The following GRB14 variants were observed in gnomAD, a reference collection of about 807,000 sequenced individuals.
The protein encoded by GRB14 is growth factor receptor bound protein 14.
Under a neutral mutation model 69.1 loss-of-function variants are expected in GRB14, and 38 were observed. The observed-to-expected ratio is 0.55, with a 90% CI of 0.42 to 0.72. The LOEUF (loss-of-function observed/expected upper bound fraction) is 0.72. Among genes scored for constraint, GRB14 ranks in the 30% least tolerant of loss-of-function variants. The pLI is 0.00. For synonymous variants in GRB14, 247 were observed against 241.3 expected (o/e 1.02, Z -0.22); for missense variants, 666 against 666.1 (o/e 1.00, Z 0.00).
At chr2:164,542,026 C>T (rs1688252470) in intron 3 of GRB14, among the ~76,000 whole-genome samples, 1 of 152,096 alleles carries the variant, frequency 6.6e-6, no homozygotes, top group Non-Finnish European at 1.5e-5. Context: ...CACTTCAAAC[C>T]ATATTATAAT....
chr2:164,548,988 C>T (rs1218473745), intron 2 of GRB14, among the ~76,000 whole-genome samples: 1 of 152,168 alleles, frequency 6.6e-6, no homozygotes, highest in African/African-American at 2.4e-5. Context: ...AATGATTCTC[C>T]TCTCTCAGCC....
chr2:164,576,749 T>A (rs1270541331), intron 2 of GRB14, among the ~76,000 whole-genome samples: 1 of 151,004 alleles, frequency 6.6e-6, no homozygotes, highest in Admixed American at 6.6e-5. Context: ...CCCAAAATTT[T>A]AAAAAAATTA....
intron 2 of GRB14, among the ~76,000 whole-genome samples, chr2:164,581,288 G>A (rs1689398289): frequency 6.6e-6 from 1 of 152,090 alleles, no homozygotes; most frequent in African/African-American, 2.4e-5. Context: ...ATCTTACATT[G>A]TAAAAGGGAT....
chr2:164,514,134 A>C (rs1386716190), intron 6 of GRB14, among the ~76,000 whole-genome samples: 1 of 152,226 alleles, frequency 6.6e-6, no homozygotes, highest in Non-Finnish European at 1.5e-5. Flanking sequence ...TCCTCTAGGA[A>C]TTTACAATGT....
In GRB14 at chr2:164,621,141, T is replaced by C; in HGVS notation, c.169A>G (p.Thr57Ala). ...TACCTGTCTGCAGCACAGCCGCGGG[T>C]CCCGTCCGGAAGGGGCAGGAGCGCT... ...ARALLPLPDG[T>A]RGCAADRRKK... Residue 57 changes from threonine to alanine, a missense_variant, in exon 1 of 14, where the codon ACC (threonine) becomes GCC (alanine). By Grantham distance (58) the Thr-to-Ala change is moderately conservative (BLOSUM62 0). Transcript: ENST00000263915. The surrounding 1 kb of genome is among the most constrained non-coding windows in gnomAD (Gnocchi z 6.0). The C allele has an allele frequency of 8.0e-7, 1 of 1,245,934 alleles. No individual in the cohort carries two copies. The highest frequency in any genetic ancestry group is 4.1e-5 in the South Asian group (1 of 24,428). 77.2% of individuals were successfully genotyped at this position (1,245,934 alleles called of 1,614,324 possible).
rs904444743 is a variant in GRB14 at position 164,568,595 on chromosome 2, C to T, written c.325-20779G>A. ...CAACCAATCAAAGCCCGGAAAACCCCGCCTTTGTCCTTGGAAACACATTCT... is the reference window on the plus strand; with the variant it reads ...CAACCAATCAAAGCCCGGAAAACCCTGCCTTTGTCCTTGGAAACACATTCT... On this transcript the variant is annotated intron_variant, in intron 2 of 13. Coordinates refer to ENST00000263915, the MANE Select transcript of GRB14 (RefSeq NM_004490.3). 12 of 338,598 alleles carry T rather than the reference C, an allele frequency of 3.5e-5. No homozygotes were observed. The South Asian group carries it at 7.3e-4, about 21-fold the overall frequency. The allele number at this position is 338,598 out of a possible 1,614,324, so 21.0% of individuals were successfully genotyped here.
intron 3 of GRB14, among the ~76,000 whole-genome samples, chr2:164,540,226 T>G (rs887015429): frequency 2.6e-5 from 4 of 152,178 alleles, no homozygotes; most frequent in African/African-American, 9.7e-5. Context: ...AGAACAATCT[T>G]CCACTTAATT....
In GRB14 at chr2:164,614,098, G is replaced by C. The variant is rs532897388; in HGVS notation, c.324+5589C>G. On this transcript the variant is annotated intron_variant, in intron 2 of 13. Transcript: ENST00000263915. ...AGGTGATTTAATGACCACACTTTGA[G>C]AAGCGCAGCTGTAAAGCCTGCTTCA... Among the ~76,000 whole-genome samples, 8 of 152,270 alleles carry C rather than the reference G, an allele frequency of 5.3e-5. No individual in the cohort carries two copies. The South Asian group carries it at 1.7e-3, about 32-fold the overall frequency.
chr2:164,620,463 A>T (rs1424262821), intron 1 of GRB14, among the ~76,000 whole-genome samples: 1 of 152,174 alleles, frequency 6.6e-6, no homozygotes, highest in Admixed American at 6.5e-5. Flanking sequence ...AATGTACTAT[A>T]GTCCACTGGA....
At chr2:164,504,126 T>G (rs1470409793) in intron 8 of GRB14, among the ~76,000 whole-genome samples, 1 of 152,030 alleles carries the variant, frequency 6.6e-6, no homozygotes, top group Admixed American at 6.6e-5. Context: ...AATTAGAATT[T>G]ATCCAAAGAG....
intron 2 of GRB14, among the ~76,000 whole-genome samples, chr2:164,579,503 A>G (rs577320943): frequency 4.4e-3 from 114 of 25,742 alleles, no homozygotes; most frequent in African/African-American, 0.018. Context: ...GCACACTTGC[A>G]CACACACACA....
At chr2:164,597,507 C>A (rs1417280281) in intron 2 of GRB14, among the ~76,000 whole-genome samples, 4 of 152,050 alleles carry the variant, frequency 2.6e-5, no homozygotes, top group South Asian at 4.1e-4. Context: ...AGATACAGAG[C>A]AATGCCACTC....
Position 164,541,233 on chromosome 2 carries a change from C to T in GRB14, c.481+6427G>A, listed in dbSNP as rs558365767. 1.1e-3 allele frequency among the ~76,000 whole-genome samples: 170 copies of T among 151,982 alleles called. 1 individual carries two copies. Among genetic ancestry groups the T allele is most frequent in the African/African-American group, 4.0e-3 (164 of 41,464 alleles). On this transcript the variant is annotated intron_variant, in intron 3 of 13. Coordinates refer to ENST00000263915, the MANE Select transcript of GRB14 (RefSeq NM_004490.3). ...CTGTAATCCCAGCACTTTGGGAGGC[C>T]GAGGTGGGGTGGTTCACCTTAGGTC...
chr2:164,515,026 A>G (rs2105274656), intron 6 of GRB14, among the ~76,000 whole-genome samples: 1 of 152,116 alleles, frequency 6.6e-6, no homozygotes, highest in East Asian at 1.9e-4. Flanking sequence ...TGAGAACAAC[A>G]CTTCCATCCC....
intron 3 of GRB14, among the ~76,000 whole-genome samples, chr2:164,545,501 A>C (rs1688351634): frequency 6.6e-6 from 1 of 152,196 alleles, no homozygotes; most frequent in Non-Finnish European, 1.5e-5. Flanking sequence ...AAGCCAACAA[A>C]TGCTGGCAGC....
intron 2 of GRB14, among the ~76,000 whole-genome samples, chr2:164,588,656 A>G (rs568042469): frequency 3.3e-5 from 5 of 152,340 alleles, no homozygotes; most frequent in African/African-American, 9.6e-5. Context: ...GAAATCTTCA[A>G]AAGTGATTGT....
At chr2:164,612,515 T>C (rs4327248) in intron 2 of GRB14, among the ~76,000 whole-genome samples, 117,478 of 152,188 alleles carry the variant, frequency 0.77, 46,007 homozygotes, top group Admixed American at 0.82. Context: ...GTGGCCATTC[T>C]CTGGGGTCTC....
intron 8 of GRB14, among the ~76,000 whole-genome samples, chr2:164,505,399 T>A (rs1687162652): frequency 6.6e-6 from 1 of 152,202 alleles, no homozygotes; most frequent in African/African-American, 2.4e-5. Context: ...CTATAACATC[T>A]TACATTCACT....
intron 3 of GRB14, among the ~76,000 whole-genome samples, chr2:164,545,322 A>C (rs578064079): frequency 6.6e-6 from 1 of 152,328 alleles, no homozygotes; most frequent in Non-Finnish European, 1.5e-5. Context: ...ACGTGGAAAA[A>C]AAATTTTGCA....
Sources: allele counts gnomAD v4.1 joint callset (sites outside exome capture counted in the v4.1 genomes callset), GRCh38; gene constraint gnomAD v4.1.1; non-coding constraint Gnocchi (gnomAD v3.1); transcripts MANE v1.5; gene names NCBI Gene and HGNC (gene_info 2026-07-23, HGNC 2026-07-21).